Variants in ABCA13 observed in about 807,000 individuals in gnomAD.
ABCA13 encodes ATP-binding cassette sub-family A member 13.
Under a neutral mutation model 478.7 loss-of-function variants are expected in ABCA13, and 476 were observed. The observed-to-expected ratio is 0.99, with a 90% CI of 0.92 to 1.07. ABCA13 has a LOEUF of 1.07. ABCA13 is among the 50% of genes least tolerant of loss of function. The pLI is 0.00. For synonymous variants in ABCA13, 2,252 were observed against 2,158.9 expected (o/e 1.04, Z -1.20); for missense variants, 6,060 against 5,910.6 (o/e 1.03, Z -0.83).
intron 55 of ABCA13, among the ~76,000 whole-genome samples, chr7:48,575,080 T>C (rs1259558698): frequency 6.6e-6 from 1 of 151,946 alleles, no homozygotes; most frequent in Non-Finnish European, 1.5e-5. Context: ...GCATAACACA[T>C]GTAAACATTT....
intron 60 of ABCA13, 80 bp from the exon 61 acceptor site, chr7:48,644,537 C>A (rs1304898849): frequency 1.4e-6 from 2 of 1,423,102 alleles, no homozygotes; most frequent in African/African-American, 1.5e-5. Flanking sequence ...AATTTTTTTG[C>A]CAATTAAATG....
chr7:48,505,287 G>A (rs956591880), intron 48 of ABCA13, among the ~76,000 whole-genome samples: 12 of 152,124 alleles, frequency 7.9e-5, no homozygotes, highest in Non-Finnish European at 1.3e-4. Flanking sequence ...CCAGATGCCT[G>A]GTCGCAAAGC....
intron 48 of ABCA13, among the ~76,000 whole-genome samples, chr7:48,501,348 G>A (rs4022347): frequency 0.16 from 25,006 of 152,062 alleles, 2,278 homozygotes; most frequent in East Asian, 0.3. Flanking sequence ...AAATGCTTAG[G>A]AATTGTCCAA....
chr7:48,420,805 TAA>T (rs1310740622), intron 41 of ABCA13, among the ~76,000 whole-genome samples: 3 of 152,136 alleles, frequency 2.0e-5, no homozygotes, highest in African/African-American at 7.2e-5. Flanking sequence ...TTTGCCCATT[TAA>T]GTTTCAATTG....
Position 48,273,073 on chromosome 7 carries a change from G to A in ABCA13, c.3407G>A (p.Ser1136Asn), listed in dbSNP as rs1423321006. 1 of 1,613,628 alleles carries A rather than the reference G, an allele frequency of 6.2e-7. No individual in the cohort carries two copies. The highest frequency in any genetic ancestry group is 8.5e-7 in the Non-Finnish European group (1 of 1,179,744). Reference sequence around the variant, plus strand: ...TTTTCAAACCTCTCAGCAAATGTCAGTGTGTTCAACAAGTTTATGTCCATT... The same window carrying A: ...TTTTCAAACCTCTCAGCAAATGTCAATGTGTTCAACAAGTTTATGTCCATT... The part of the protein sequence containing the change: ...QIFSNLSANV[S>N]VFNKFMSIHC... The change falls in exon 17 of 62, where the codon AGT becomes AAT. Residue 1136 changes from serine (S) to asparagine (N), a missense_variant. Physicochemically the swap from Ser to Asn is conservative, Grantham distance 46 (BLOSUM62 1). Around this residue, in one of 3 missense-constraint regions of ABCA13, gnomAD observed 4,423 missense variants for 4,309.1 expected, o/e 1.03. Transcript: ENST00000435803.
In ABCA13 at chr7:48,338,455, G is replaced by T. The variant is rs143194909; in HGVS notation, c.10204G>T (p.Gly3402Ter). 6.3e-7 allele frequency: 1 copy of T among 1,584,694 alleles called. No homozygotes were observed. The highest frequency in any genetic ancestry group is 8.6e-7 in the Non-Finnish European group (1 of 1,164,288). Reference sequence around the variant, plus strand: ...ACTTACTGAAAAACTCCAGACATACGGTAAGTGTGCTGATGGGCATGGTAG... The same window carrying T: ...ACTTACTGAAAAACTCCAGACATACTGTAAGTGTGCTGATGGGCATGGTAG... ...DKLTEKLQTYGGLLDEMFNHA... is the reference protein window; with the variant it reads ...DKLTEKLQTY The change falls in exon 29 of 62, where the codon GGA (glycine) becomes TGA (stop). Residue 3402 changes from glycine (G) to a stop codon, truncating the protein, a stop_gained and splice_region_variant. Transcript: ENST00000435803. LOFTEE classifies it high-confidence loss of function.
Position 48,346,240 on chromosome 7 carries a change from C to T in ABCA13, c.10205-4403C>T, listed in dbSNP as rs115855445. Among the ~76,000 whole-genome samples, 595 of 152,220 alleles carry T rather than the reference C, an allele frequency of 3.9e-3. 5 individuals carry two copies. Among genetic ancestry groups the T allele is most frequent in the African/African-American group, 0.013 (549 of 41,524 alleles). ...TGTACCTATGTCTCCCAATTATATGCATGATAAGAAAGCTTAAAGCCTTCT... is the reference window on the plus strand; with the variant it reads ...TGTACCTATGTCTCCCAATTATATGTATGATAAGAAAGCTTAAAGCCTTCT... On this transcript the variant is annotated intron_variant, in intron 29 of 61. Transcript: ENST00000435803.
intron 18 of ABCA13, 110 bp from the exon 19 acceptor site, chr7:48,281,233 G>A (rs1327460098): frequency 1.2e-6 from 1 of 814,932 alleles, no homozygotes; most frequent in African/African-American, 1.7e-5. Context: ...ATTATGCAGG[G>A]AGGGAGGATG....
intron 55 of ABCA13, among the ~76,000 whole-genome samples, chr7:48,530,381 C>A (rs532791721): frequency 1.3e-5 from 2 of 151,456 alleles, no homozygotes; most frequent in Non-Finnish European, 2.9e-5. Context: ...TATTCTTTAT[C>A]CACTTGTTGA....
chr7:48,257,396 C>A (rs2128713972), intron 15 of ABCA13, among the ~76,000 whole-genome samples: 1 of 152,172 alleles, frequency 6.6e-6, no homozygotes. Context: ...AAGGGAAATT[C>A]TTCTAGCTCT....
At chr7:48,593,993 T>A (rs1005140209) in intron 57 of ABCA13, among the ~76,000 whole-genome samples, 1 of 152,234 alleles carries the variant, frequency 6.6e-6, no homozygotes, top group Middle Eastern at 3.4e-3. Flanking sequence ...GTTTTTCATT[T>A]TTGACAGTTT....
chr7:48,352,180 G>T lies in ABCA13; in HGVS notation c.10382-1G>T, dbSNP rs1401024987. On this transcript the variant is annotated splice_acceptor_variant, in intron 30 of 61. Transcript: ENST00000435803. LOFTEE classifies it high-confidence loss of function. ...CTTCGTTTTTCCTTTTCTGCCACTA[G>T]GTATCATTTTCAGCAATTCCTTATT... is the stretch of plus-strand genomic sequence containing the variant. 4.4e-6 allele frequency: 7 copies of T among 1,599,896 alleles called. No individual in the cohort carries two copies. The highest frequency in any genetic ancestry group is 6.0e-6 in the Non-Finnish European group (7 of 1,170,960).
At chr7:48,540,979 G>A (rs1833909233) in intron 55 of ABCA13, among the ~76,000 whole-genome samples, 1 of 152,134 alleles carries the variant, frequency 6.6e-6, no homozygotes, top group Non-Finnish European at 1.5e-5. Context: ...CAGAGGAAGT[G>A]AAGACAAGGA....
chr7:48,318,962 C>A (rs1563041412), intron 27 of ABCA13, among the ~76,000 whole-genome samples: 1 of 152,184 alleles, frequency 6.6e-6, no homozygotes, highest in East Asian at 1.9e-4. Flanking sequence ...AAAGAGCTCA[C>A]CCTATTGTGG....
At chr7:48,448,943 A>G (rs185551725) in intron 42 of ABCA13, among the ~76,000 whole-genome samples, 1 of 152,248 alleles carries the variant, frequency 6.6e-6, no homozygotes, top group Non-Finnish European at 1.5e-5. Context: ...CCCAGGTTCA[A>G]GCAATTCTCC....
intron 58 of ABCA13, among the ~76,000 whole-genome samples, chr7:48,596,854 T>C (rs1790340485): frequency 6.6e-6 from 1 of 152,064 alleles, no homozygotes; most frequent in South Asian, 2.1e-4. Flanking sequence ...TAGGAAAACA[T>C]TGATGGCTTT....
chr7:48,587,917 T>A lies in ABCA13; in HGVS notation c.14640+629T>A, dbSNP rs556955375. ...CAGCTATAACTGTTAATACAAGTAA[T>A]GCCATTGAAAGAATAAATAAAGGCT... is the stretch of plus-strand genomic sequence containing the variant. On this transcript the variant is annotated intron_variant, in intron 57 of 61. Coordinates refer to ENST00000435803, the MANE Select transcript of ABCA13 (RefSeq NM_152701.5). Among the ~76,000 whole-genome samples, 34 of 152,344 alleles carry A rather than the reference T, an allele frequency of 2.2e-4. 1 individual carries two copies. In the South Asian group the frequency reaches 6.8e-3, roughly 31 times the overall value.
intron 42 of ABCA13, among the ~76,000 whole-genome samples, chr7:48,446,558 G>A (rs571587508): frequency 5.3e-5 from 8 of 152,132 alleles, no homozygotes; most frequent in East Asian, 3.9e-4. Context: ...TTCTGATGAT[G>A]GAAAGCAATT....
intron 38 of ABCA13, among the ~76,000 whole-genome samples, chr7:48,395,382 G>C (rs1224283777): frequency 3.9e-5 from 6 of 152,204 alleles, no homozygotes; most frequent in Admixed American, 2.0e-4. Context: ...TAAGAGAGGA[G>C]GGGGCGTCCA....
Sources: allele counts gnomAD v4.1 joint callset (sites outside exome capture counted in the v4.1 genomes callset), GRCh38; gene constraint gnomAD v4.1.1; regional missense constraint gnomAD v4.1.1; transcripts MANE v1.5; gene names NCBI Gene and HGNC (gene_info 2026-07-23, HGNC 2026-07-21).